The following LRRC38 variants were observed in gnomAD, a reference collection of about 807,000 sequenced individuals.
LRRC38 encodes the protein leucine-rich repeat-containing protein 38.
In LRRC38, 5 loss-of-function variants were observed where a neutral mutation model predicts 16.4. The ratio of observed to expected loss-of-function variants is 0.31; its 90% CI spans 0.16 to 0.64. The LOEUF (loss-of-function observed/expected upper bound fraction) is 0.64. Ranked by LOEUF, LRRC38 falls within the 30% of genes least tolerant of loss-of-function variation. The pLI, the probability that LRRC38 is intolerant of heterozygous loss-of-function variation, is 0.80. For missense variants in LRRC38, 341 were observed against 401.8 expected, an observed-to-expected ratio of 0.85 and a Z score of 1.29; for synonymous variants, 191 against 190.2, an observed-to-expected ratio of 1.00 and a Z score of -0.04.
Position 13,513,032 on chromosome 1 carries a change from A to C in LRRC38, c.562T>G (p.Trp188Gly). 1 of 1,513,520 alleles carries C rather than the reference A, an allele frequency of 6.6e-7. No individual in the cohort carries two copies. The highest frequency in any genetic ancestry group is 8.9e-7 in the Non-Finnish European group (1 of 1,124,480). The allele number at this position is 1,513,520 out of a possible 1,614,324, so 93.8% of individuals were successfully genotyped here. A position where few individuals can be genotyped will look rare whatever the true frequency, so the allele number is the denominator to read the frequency against. The part of the protein sequence containing the change: ...LRSLRLDGNP[W>G]LCDCDFAHLF... ...TGGGCGAAGTCACAGTCGCACAGCC[A>C]GGGGTTCCCGTCCAGACGCAGGGAG... The change falls in exon 1 of 2, where the codon TGG (tryptophan) becomes GGG (glycine). Residue 188 changes from tryptophan to glycine, a missense_variant. By Grantham distance (184) the Trp-to-Gly change is radical. Coordinates refer to ENST00000376085, the MANE Select transcript of LRRC38 (RefSeq NM_001010847.2).
In LRRC38 at chr1:13,513,598, G is replaced by T. The variant is rs1451508432; in HGVS notation, c.-5C>A. 12 of 1,115,452 alleles carry T rather than the reference G, an allele frequency of 1.1e-5. No homozygotes were observed. The highest frequency in any genetic ancestry group is 1.7e-5 in the African/African-American group (1 of 60,192). 69.1% of individuals were successfully genotyped at this position (1,115,452 alleles called of 1,614,324 possible). A position where few individuals can be genotyped will look rare whatever the true frequency, so the allele number is the denominator to read the frequency against. The stretch of plus-strand genomic sequence containing the variant: ...GGCTGGGGCTCGGGGGCGCATGGCC[G>T]GGGGGCCCGCGCCGGCCGCGGCGAG... On this transcript the variant is annotated 5_prime_UTR_variant, in exon 1 of 2. Coordinates refer to ENST00000376085, the MANE Select transcript of LRRC38 (RefSeq NM_001010847.2).
intron 1 of LRRC38, among the ~76,000 whole-genome samples, chr1:13,498,003 C>G (rs1188061470): frequency 7.0e-6 from 1 of 143,764 alleles, no homozygotes; most frequent in Admixed American, 6.8e-5. Context: ...TTTGGATATG[C>G]TGGATTAAAA....
chr1:13,476,666 G>A (rs553682888), intron 1 of LRRC38, among the ~76,000 whole-genome samples: 8 of 152,136 alleles, frequency 5.3e-5, no homozygotes, highest in Non-Finnish European at 7.3e-5. Flanking sequence ...TACTCAGAGC[G>A]GGGATGGAAG....
Position 13,513,235 on chromosome 1 carries a change from C to T in LRRC38, c.359G>A (p.Gly120Asp). 6.4e-7 allele frequency: 1 copy of T among 1,550,442 alleles called. No homozygotes were observed. The highest frequency in any genetic ancestry group is 8.7e-7 in the Non-Finnish European group (1 of 1,146,950). Residue 120 changes from glycine to aspartate, a missense_variant, in exon 1 of 2, where the codon GGC becomes GAC. Physicochemically the swap from Gly to Asp is moderately conservative, Grantham distance 94. Transcript: ENST00000376085. ...DLSYNNLTQL[G>D]AGAFRSAGRL... Reference sequence around the variant, plus strand: ...CCCGGCCGAGCGGAAGGCGCCGGCGCCCAGCTGGGTCAAGTTGTTGTAGCT... The same window carrying T: ...CCCGGCCGAGCGGAAGGCGCCGGCGTCCAGCTGGGTCAAGTTGTTGTAGCT...
At chr1:13,497,935 G>A (rs570620375) in intron 1 of LRRC38, among the ~76,000 whole-genome samples, 1 of 139,424 alleles carries the variant, frequency 7.2e-6, no homozygotes, top group East Asian at 2.0e-4. Context: ...ACTTCAGCCT[G>A]GGCAACAAGA....
chr1:13,497,270 CAGA>C (rs1489691323), intron 1 of LRRC38, among the ~76,000 whole-genome samples: 1 of 152,156 alleles, frequency 6.6e-6, no homozygotes, highest in Non-Finnish European at 1.5e-5. Context: ...GCTCTCATAG[CAGA>C]AGAAGGTAGG....
rs1227260291 is a variant in LRRC38, at chr1:13,513,705, GGCCCGGGCGGGGAGGGCGTGC to G, written c.-133_-113del. The stretch of plus-strand genomic sequence containing the variant: ...TGCCGGGCGCGGGGAGCCAGAGGGC[GGCCCGGGCGGGGAGGGCGTGC>G]GCCCGGGCGTGCGGGGGCGATGGAG... On this transcript the variant is annotated 5_prime_UTR_variant, in exon 1 of 2. Coordinates refer to ENST00000376085, the MANE Select transcript of LRRC38 (RefSeq NM_001010847.2). The G allele has an allele frequency of 3.1e-5, 20 of 641,046 alleles. No homozygotes were observed. Among genetic ancestry groups the G allele is most frequent in the African/African-American group, 1.8e-4 (9 of 50,342 alleles). 39.7% of individuals were successfully genotyped at this position (641,046 alleles called of 1,614,324 possible). A position where few individuals can be genotyped will look rare whatever the true frequency, so the allele number is the denominator to read the frequency against.
In LRRC38 at chr1:13,475,585, C is replaced by G. The variant is rs970622663; in HGVS notation, c.*261G>C. The G allele has an allele frequency of 8.5e-6, 4 of 471,282 alleles. No homozygotes were observed. Among genetic ancestry groups the G allele is most frequent in the Non-Finnish European group, 1.5e-5 (4 of 261,028 alleles). The allele number at this position is 471,282 out of a possible 1,614,324, so 29.2% of individuals were successfully genotyped here. ...AAGCCTGACTCGGTCATCTTCTCCC[C>G]CAACACACACCTCGATCTGAGAGGC... On this transcript the variant is annotated 3_prime_UTR_variant, in exon 2 of 2. Transcript: ENST00000376085. The surrounding 1 kb of genome is among the most constrained non-coding windows in gnomAD (Gnocchi z 4.3).
chr1:13,479,639 G>A (rs779914928), intron 1 of LRRC38, among the ~76,000 whole-genome samples: 44 of 152,316 alleles, frequency 2.9e-4, no homozygotes, highest in Non-Finnish European at 5.0e-4. Flanking sequence ...CACCAGGGGC[G>A]GGGACTTTAG....
At chr1:13,507,822 A>T (rs1251729564) in intron 1 of LRRC38, among the ~76,000 whole-genome samples, 1 of 151,672 alleles carries the variant, frequency 6.6e-6, no homozygotes, top group Non-Finnish European at 1.5e-5. Flanking sequence ...ACAGACCAAA[A>T]CTCCATCTCA....
At chr1:13,496,508 T>C (rs986472619) in intron 1 of LRRC38, among the ~76,000 whole-genome samples, 1 of 152,046 alleles carries the variant, frequency 6.6e-6, no homozygotes, top group African/African-American at 2.4e-5. Flanking sequence ...TGGTTAAGCC[T>C]CAAGTTGCTA....
At chr1:13,506,114 A>G (rs987201543) in intron 1 of LRRC38, among the ~76,000 whole-genome samples, 1 of 152,180 alleles carries the variant, frequency 6.6e-6, no homozygotes, top group Non-Finnish European at 1.5e-5. Flanking sequence ...GTCACAGGAT[A>G]AGCACAGCAT....
At chr1:13,512,860 T>G (rs1639288919) in intron 1 of LRRC38, 103 bp downstream of exon 1, 2 of 1,257,708 alleles carry the variant, frequency 1.6e-6, no homozygotes, top group Non-Finnish European at 2.1e-6. Flanking sequence ...CCAAGCCTCC[T>G]CTTCCAAACT....
At chr1:13,497,064 G>A (rs354592) in intron 1 of LRRC38, among the ~76,000 whole-genome samples, 30,759 of 152,094 alleles carry the variant, frequency 0.2, 3,293 homozygotes, top group East Asian at 0.3. Flanking sequence ...CCAGGCCAGC[G>A]TGAATGAAGG....
At chr1:13,476,124 G>A in intron 1 of LRRC38, 25 bp from the exon 2 acceptor site, 1 of 1,548,812 alleles carries the variant, frequency 6.5e-7, no homozygotes, top group Non-Finnish European at 8.7e-7. Flanking sequence ...GCAGAGGAGA[G>A]AGAGATTTAG....
chr1:13,512,781 C>G (rs1639288314), intron 1 of LRRC38, among the ~76,000 whole-genome samples, 182 bp downstream of exon 1: 1 of 152,082 alleles, frequency 6.6e-6, no homozygotes, highest in Non-Finnish European at 1.5e-5. Context: ...TCAGAAACTC[C>G]AAAGAATTCC....
Position 13,475,897 on chromosome 1 carries a change from C to T in LRRC38, c.834G>A (p.Arg278=). The T allele has an allele frequency of 6.4e-7, 1 of 1,550,532 alleles. No homozygotes were observed. The highest frequency in any genetic ancestry group is 8.7e-7 in the Non-Finnish European group (1 of 1,147,000). Residue 278 remains arginine (R), a synonymous_variant, in exon 2 of 2, where the codon AGG becomes AGA. Coordinates refer to ENST00000376085, the MANE Select transcript of LRRC38 (RefSeq NM_001010847.2). The surrounding 1 kb of genome is among the most constrained non-coding windows in gnomAD (Gnocchi z 4.3). ...CCTCCGCATCTTTGTTGGGTGCGCA[C>T]CTCTGGAGGCACTGCACCACAGTGG... The part of the protein sequence containing the change: ...FLATVVQCLQ[R]CAPNKDAEDE...
chr1:13,500,916 G>A (rs1454362660), intron 1 of LRRC38, among the ~76,000 whole-genome samples: 1 of 152,184 alleles, frequency 6.6e-6, no homozygotes, highest in African/African-American at 2.4e-5. Flanking sequence ...TGAGGAGGGA[G>A]GGGAGAGGAA....
Position 13,476,482 on chromosome 1 carries a change from C to T in LRRC38, c.632-383G>A, listed in dbSNP as rs865935642. Among the ~76,000 whole-genome samples, 7 of 152,222 alleles carry T rather than the reference C, an allele frequency of 4.6e-5. 1 individual carries two copies. The Middle Eastern group carries it at 0.02, about 444-fold the overall frequency. On this transcript the variant is annotated intron_variant, in intron 1 of 1. Transcript: ENST00000376085. ...TAGCTGGGATTACAGGTGTGCACCG[C>T]CACACCTGACTAATTTTAGTATTTT...
Sources: allele counts gnomAD v4.1 joint callset (sites outside exome capture counted in the v4.1 genomes callset), GRCh38; gene constraint gnomAD v4.1.1; non-coding constraint Gnocchi (gnomAD v3.1); transcripts MANE v1.5; gene names NCBI Gene and HGNC (gene_info 2026-07-23, HGNC 2026-07-21).